The following DDB1 variants were observed in gnomAD, a reference collection of about 807,000 sequenced individuals.
DDB1 encodes the protein damage specific DNA binding protein 1, also known as DNA damage-binding protein 1.
In DDB1, 18 loss-of-function variants were observed where a neutral mutation model predicts 133.1. The observed-to-expected ratio is 0.14, with a 90% confidence interval of 0.09 to 0.20. DDB1 has a LOEUF of 0.20. Among genes scored for constraint, DDB1 ranks in the 10% least tolerant of loss-of-function variants. The pLI, the probability that DDB1 is intolerant of heterozygous loss-of-function variation, is 1.00. For missense variants in DDB1, 828 were observed against 1,459.2 expected (o/e 0.57, Z 7.05); for synonymous variants, 580 against 550.5 (o/e 1.05, Z -0.75).
In DDB1 at chr11:61,311,797, C is replaced by A; in HGVS notation, c.2264G>T (p.Ser755Ile). Residue 755 changes from serine to isoleucine, a missense_variant, in exon 18 of 27, where the codon AGC becomes ATC. Physicochemically the swap from Ser to Ile is moderately radical, Grantham distance 142 (BLOSUM62 -2). Around this residue, in one of 7 missense-constraint regions of DDB1, gnomAD observed 396 missense variants for 554.1 expected, o/e 0.71. Transcript: ENST00000301764. ...CACTGCCCTTACCTGGGTGCTAGCG[C>A]TGGGCCTCAAGGCTGTCGTGCCCCC... ...TSGGTTALRP[S>I]ASTQALSSSV... 1 of 1,613,050 alleles carries A rather than the reference C, an allele frequency of 6.2e-7. No homozygotes were observed. Among genetic ancestry groups the A allele is most frequent in the Non-Finnish European group, 8.5e-7 (1 of 1,179,684 alleles).
intron 6 of DDB1, among the ~76,000 whole-genome samples, chr11:61,325,310 C>T (rs1370824677): frequency 6.6e-6 from 1 of 152,198 alleles, no homozygotes; most frequent in Non-Finnish European, 1.5e-5. Flanking sequence ...TGCATTCTAG[C>T]TCTCCAGCCT....
chr11:61,329,339 C>T (rs775189892), intron 4 of DDB1, 24 bp downstream of exon 4: 3 of 1,609,306 alleles, frequency 1.9e-6, no homozygotes, highest in Middle Eastern at 1.7e-4. Flanking sequence ...CACAGTTTCT[C>T]GCTCTCTCTT....
chr11:61,314,160 C>T lies in DDB1; in HGVS notation c.1640G>A (p.Gly547Glu). 1 of 1,613,200 alleles carries T rather than the reference C, an allele frequency of 6.2e-7. No individual in the cohort carries two copies. The highest frequency in any genetic ancestry group is 1.1e-5 in the South Asian group (1 of 90,902). Residue 547 changes from glycine (G) to glutamate (E), a missense_variant, in exon 14 of 27, where the codon GGA (glycine) becomes GAA (glutamate). Physicochemically the swap from Gly to Glu is moderately conservative, Grantham distance 98 (BLOSUM62 -2). Coordinates refer to ENST00000301764, the MANE Select transcript of DDB1 (RefSeq NM_001923.5). ...EVACLDITPL[G>E]DSNGLSPLCA... is the part of the protein sequence containing the mutation. ...AAGAGGGGACAGTCCATTGCTGTCT[C>T]CTAATGGGGTGATGTCCAAGCAAGC... is the stretch of plus-strand genomic sequence containing the variant.
intron 21 of DDB1, among the ~76,000 whole-genome samples, chr11:61,307,967 T>C (rs1470638804): frequency 6.6e-6 from 1 of 152,178 alleles, no homozygotes; most frequent in African/African-American, 2.4e-5. Context: ...GCATCCAGAT[T>C]ACTACAAGAG....
At chr11:61,310,201 T>A (rs1855941458) in intron 19 of DDB1, 94 bp downstream of exon 19, 3 of 1,522,304 alleles carry the variant, frequency 2.0e-6, no homozygotes, top group African/African-American at 1.4e-5. Flanking sequence ...TAGGACAGTC[T>A]GCCACATCTG....
At chr11:61,328,100 A>G (rs1856298513) in intron 4 of DDB1, among the ~76,000 whole-genome samples, 1 of 152,232 alleles carries the variant, frequency 6.6e-6, no homozygotes, top group Non-Finnish European at 1.5e-5. Flanking sequence ...TAGAACAACC[A>G]GCCTTGAATA....
chr11:61,311,114 T>C (rs2134906159), intron 18 of DDB1: 1 of 152,470 alleles, frequency 6.6e-6, no homozygotes, highest in Non-Finnish European at 1.5e-5. Flanking sequence ...TAGCTGGGCA[T>C]GGTGGCACGC....
chr11:61,303,799 C>G (rs1855839347), intron 22 of DDB1, 66 bp downstream of exon 22: 1 of 1,585,440 alleles, frequency 6.3e-7, no homozygotes, highest in South Asian at 1.1e-5. Context: ...TCCTTCCCCA[C>G]CAGAGACACT....
intron 22 of DDB1, 69 bp downstream of exon 22, chr11:61,303,796 C>T: frequency 6.3e-7 from 1 of 1,583,494 alleles, no homozygotes. Flanking sequence ...TTATCCTTCC[C>T]CACCAGAGAC....
At chr11:61,317,067 T>C (rs1856098742) in intron 10 of DDB1, among the ~76,000 whole-genome samples, 1 of 144,838 alleles carries the variant, frequency 6.9e-6, no homozygotes, top group Non-Finnish European at 1.5e-5. Flanking sequence ...CCCTCTCTGC[T>C]CCTTCTTGGT....
At chr11:61,327,003 T>C in intron 4 of DDB1, 110 bp from the exon 5 acceptor site, 1 of 762,646 alleles carries the variant, frequency 1.3e-6, no homozygotes, top group East Asian at 2.4e-5. Context: ...AGTCCTGTCA[T>C]GTCAGCCCTC....
chr11:61,314,106 G>A lies in DDB1; in HGVS notation c.1694C>T (p.Ser565Leu), dbSNP rs776727774. 5 of 1,614,138 alleles carry A rather than the reference G, an allele frequency of 3.1e-6. No homozygotes were observed. The highest frequency in any genetic ancestry group is 4.2e-6 in the Non-Finnish European group (5 of 1,180,012). Reference protein sequence around the residue: ...LCAIGLWTDISARILKLPSFE... With the variant: ...LCAIGLWTDILARILKLPSFE... ...AGAGGGCAACTTCAAGATACGAGCC[G>A]AGATGTCCGTCCAGAGGCCAATGGC... Residue 565 changes from serine to leucine, a missense_variant, in exon 14 of 27, where the codon TCG becomes TTG. Ser to Leu is a moderately radical substitution (Grantham distance 145). This residue lies in a region of DDB1 where 396 missense variants were observed against 554.1 expected (regional missense o/e 0.71). Transcript: ENST00000301764.
Position 61,310,231 on chromosome 11 carries a change from G to A in DDB1, c.2401+64C>T. The A allele has an allele frequency of 2.6e-6, 4 of 1,562,368 alleles. No homozygotes were observed. In the East Asian group the frequency reaches 9.0e-5, roughly 35 times the overall value. On this transcript the variant is annotated intron_variant, in intron 19 of 26. Coordinates refer to ENST00000301764, the MANE Select transcript of DDB1 (RefSeq NM_001923.5). ...CATCTGTCAGGCTTTGCAGGTACCA[G>A]AGCCCAGAACAGCCTGGATTAGGGA...
At chr11:61,304,159 T>C (rs558115215) in intron 21 of DDB1, 124 bp from the exon 22 acceptor site, 2 of 966,190 alleles carry the variant, frequency 2.1e-6, no homozygotes, top group African/African-American at 1.6e-5. Context: ...CAGGAAACGG[T>C]TTTATGAGGC....
chr11:61,306,976 T>C (rs933874976), intron 21 of DDB1, among the ~76,000 whole-genome samples: 1 of 152,206 alleles, frequency 6.6e-6, no homozygotes, highest in African/African-American at 2.4e-5. Flanking sequence ...AAATTGCCAA[T>C]ACCTCCTTCC....
Position 61,326,216 on chromosome 11 carries a change from C to G in DDB1, c.665-508G>C, listed in dbSNP as rs1051967669. On this transcript the variant is annotated intron_variant, in intron 5 of 26. Transcript: ENST00000301764. Reference sequence around the variant, plus strand: ...GAAGAGGCCTGGATTCTAGCCCAGACTTTGTCAATCATGGACAGGCATGGG... The same window carrying G: ...GAAGAGGCCTGGATTCTAGCCCAGAGTTTGTCAATCATGGACAGGCATGGG... 1.8e-5 allele frequency: 4 copies of G among 219,782 alleles called. No homozygotes were observed. The South Asian group carries it at 2.7e-4, about 15-fold the overall frequency. 13.6% of individuals were successfully genotyped at this position (219,782 alleles called of 1,614,324 possible). A position where few individuals can be genotyped will look rare whatever the true frequency, so the allele number is the denominator to read the frequency against.
chr11:61,305,525 C>T (rs1855869939), intron 21 of DDB1, among the ~76,000 whole-genome samples: 1 of 152,178 alleles, frequency 6.6e-6, no homozygotes, highest in Admixed American at 6.5e-5. Context: ...CACATACATA[C>T]ATACTATGGT....
At chr11:61,300,771 G>C in intron 26 of DDB1, 38 bp downstream of exon 26, 7 of 1,612,684 alleles carry the variant, frequency 4.3e-6, no homozygotes, top group Non-Finnish European at 5.9e-6. Context: ...ACCTGCAGTG[G>C]ACTTGTCTGG....
intron 24 of DDB1, 74 bp from the exon 25 acceptor site, chr11:61,302,433 C>A: frequency 6.3e-7 from 1 of 1,580,048 alleles, no homozygotes; most frequent in Non-Finnish European, 8.7e-7. Context: ...TAAAGGGCAG[C>A]CCAGGTGAGC....
Sources: gnomAD v4.1 joint callset for allele counts (sites outside exome capture counted in the v4.1 genomes callset) on GRCh38, gnomAD v4.1.1 for gene constraint, gnomAD v4.1.1 regional missense constraint, MANE v1.5 for transcripts, NCBI Gene and HGNC (gene_info 2026-07-23, HGNC 2026-07-21) for gene names.